Variants in FRMPD4 observed in about 807,000 individuals in gnomAD.
FRMPD4 encodes the protein FERM and PDZ domain containing 4.
FRMPD4 carries 22 observed loss-of-function variants against 94.1 expected under a neutral mutation model. That is an observed-to-expected ratio of 0.23 (90% CI 0.17 to 0.33). The LOEUF (loss-of-function observed/expected upper bound fraction) is 0.33, where lower values mean the gene tolerates loss of function less well. FRMPD4 is among the 10% of genes least tolerant of loss of function. The probability of loss-of-function intolerance (pLI) is 1.00; values close to 1 mark genes in which losing one functional copy is unlikely to be tolerated. For missense variants in FRMPD4, 1,111 were observed against 1,339.9 expected (o/e 0.83, Z 2.67); for synonymous variants, 631 against 548.6 (o/e 1.15, Z -2.10).
At chrX:12,469,074 C>A (rs1243077368) in intron 1 of FRMPD4, among the ~76,000 whole-genome samples, 1 of 111,849 alleles carries the variant, frequency 8.9e-6, no homozygotes, top group Non-Finnish European at 1.9e-5. Flanking sequence ...GGTTCTTTTC[C>A]ACCTTAAAAT....
At chrX:11,926,258 CAAAAAAAAAAAAA>C (rs763084115) in intron 3 of FRMPD4, among the ~76,000 whole-genome samples, 28 of 30,709 alleles carry the variant, frequency 9.1e-4, no homozygotes, top group Non-Finnish European at 1.4e-3. Context: ...GCTTACCAAC[CAAAAAAAAAAAAA>C]AAAAAAAAAA....
intron 1 of FRMPD4, among the ~76,000 whole-genome samples, chrX:12,293,489 A>C (rs2054720495): frequency 8.9e-6 from 1 of 112,586 alleles, no homozygotes; most frequent in Non-Finnish European, 1.9e-5. Flanking sequence ...TTTTCTTTAA[A>C]TTGTTCTTGT....
intron 1 of FRMPD4, among the ~76,000 whole-genome samples, chrX:12,275,702 C>A (rs1601768144): frequency 9.1e-6 from 1 of 109,656 alleles, no homozygotes; most frequent in South Asian, 4.0e-4. Flanking sequence ...AAGGGAGGAT[C>A]CTCCATGGAG....
intron 4 of FRMPD4, among the ~76,000 whole-genome samples, chrX:12,649,189 T>C (rs972707569): frequency 2.7e-5 from 3 of 111,646 alleles, no homozygotes; most frequent in Admixed American, 9.5e-5. Context: ...TTAGGAATGA[T>C]AGGCTCAGAC....
At chrX:12,538,388 C>A (rs957961853) in intron 2 of FRMPD4, among the ~76,000 whole-genome samples, 2 of 111,323 alleles carry the variant, frequency 1.8e-5, no homozygotes, top group African/African-American at 6.5e-5. Context: ...CTGTAGACTC[C>A]ACCTCTGGGG....
At chrX:11,985,868 G>C (rs764937568) in intron 3 of FRMPD4, among the ~76,000 whole-genome samples, 43 of 112,294 alleles carry the variant, frequency 3.8e-4, no homozygotes, top group Non-Finnish European at 6.2e-4. Flanking sequence ...TGCCAGTCTA[G>C]CTGCAGTAAA....
intron 2 of FRMPD4, chrX:12,583,362 G>A: frequency 1.3e-6 from 1 of 770,389 alleles, no homozygotes; most frequent in Non-Finnish European, 2.0e-6. Flanking sequence ...AGAGCCCCAG[G>A]CCGGCTGAGA....
At chrX:12,533,948 C>T (rs2058312225) in intron 2 of FRMPD4, among the ~76,000 whole-genome samples, 1 of 112,950 alleles carries the variant, frequency 8.9e-6, no homozygotes, top group African/African-American at 3.2e-5. Flanking sequence ...ATGTTAATCC[C>T]TGAGACAGTG....
Position 12,720,540 on chromosome X carries a change from CAG to C in FRMPD4, c.3974_3975del (p.Glu1325AlafsTer18). Reference sequence around the variant, plus strand: ...TCTACTACCCCTAGTGTAGCTTTGACAGAGCCTGGGAAGGAGAGACGAGGAGG... The same window carrying C: ...TCTACTACCCCTAGTGTAGCTTTGACAGCCTGGGAAGGAGAGACGAGGAGG... On this transcript the variant is annotated frameshift_variant, in exon 17 of 17. Coordinates refer to ENST00000675598, the MANE Select transcript of FRMPD4 (RefSeq NM_001368397.1). LOFTEE classifies it high-confidence loss of function. 8.3e-7 allele frequency: 1 copy of C among 1,207,755 alleles called. No homozygotes were observed.
At chrX:12,547,011 T>TAAAAAA (rs57946725) in intron 2 of FRMPD4, among the ~76,000 whole-genome samples, 5 of 33,769 alleles carry the variant, frequency 1.5e-4, no homozygotes, top group Admixed American at 5.8e-4. Flanking sequence ...ACTGTCTCTT[T>TAAAAAA]AAAAAAAAAA....
intron 3 of FRMPD4, among the ~76,000 whole-genome samples, chrX:12,071,917 T>A (rs1054705861): frequency 2.7e-5 from 3 of 111,752 alleles, no homozygotes; most frequent in Non-Finnish European, 5.6e-5. Flanking sequence ...AACCTCAAAC[T>A]TCCCTACGTT....
intron 3 of FRMPD4, among the ~76,000 whole-genome samples, chrX:11,888,651 G>T (rs2147319564): frequency 9.0e-6 from 1 of 111,703 alleles, no homozygotes; most frequent in African/African-American, 3.3e-5. Context: ...GTTGGTTCCA[G>T]ACCACTACAA....
chrX:12,509,563 A>G (rs953135664), intron 2 of FRMPD4, among the ~76,000 whole-genome samples: 12 of 111,372 alleles, frequency 1.1e-4, no homozygotes, highest in Non-Finnish European at 2.1e-4. Context: ...AAATGACACA[A>G]TGGACTTTGG....
intron 3 of FRMPD4, among the ~76,000 whole-genome samples, chrX:12,070,902 T>C (rs73632667): frequency 0.012 from 1,380 of 112,492 alleles, 21 homozygotes; most frequent in African/African-American, 0.042. Flanking sequence ...ACTGGTTTCA[T>C]CACAGCGATT....
intron 1 of FRMPD4, among the ~76,000 whole-genome samples, chrX:12,485,626 A>G (rs2057731523): frequency 8.9e-6 from 1 of 111,996 alleles, no homozygotes; most frequent in African/African-American, 3.2e-5. Context: ...CGTTAATGTT[A>G]GAAGGAAATA....
At chrX:11,920,107 C>T (rs2054046908) in intron 3 of FRMPD4, among the ~76,000 whole-genome samples, 1 of 111,878 alleles carries the variant, frequency 8.9e-6, no homozygotes, top group Admixed American at 9.5e-5. Flanking sequence ...CTTCCCCCCA[C>T]CATTGTGTTT....
chrX:12,253,111 A>G (rs923708913), intron 1 of FRMPD4, among the ~76,000 whole-genome samples: 3 of 112,047 alleles, frequency 2.7e-5, no homozygotes, highest in African/African-American at 9.7e-5. Context: ...CAAGACATGC[A>G]GAAGTGCAGA....
chrX:12,505,169 T>G (rs1279408700), intron 2 of FRMPD4, among the ~76,000 whole-genome samples: 2 of 111,954 alleles, frequency 1.8e-5, no homozygotes, highest in Non-Finnish European at 3.8e-5. Flanking sequence ...AGCCTGTAAT[T>G]GAAATACTAG....
intron 1 of FRMPD4, among the ~76,000 whole-genome samples, chrX:12,439,180 C>A (rs781356753): frequency 2.7e-5 from 3 of 111,239 alleles, no homozygotes; most frequent in Non-Finnish European, 5.7e-5. Flanking sequence ...GGATTCCTGT[C>A]CAGTAACCCA....
Sources: gnomAD v4.1 joint callset for allele counts (sites outside exome capture counted in the v4.1 genomes callset) on GRCh38, gnomAD v4.1.1 for gene constraint, MANE v1.5 for transcripts, NCBI Gene and HGNC (gene_info 2026-07-23, HGNC 2026-07-21) for gene names.